Variants in ESCO1 observed in about 807,000 individuals in gnomAD.
ESCO1 encodes establishment of sister chromatid cohesion N-acetyltransferase 1.
A neutral mutation model predicts 83.5 loss-of-function variants in ESCO1; 33 were observed. The ratio of observed to expected loss-of-function variants is 0.40; its 90% confidence interval spans 0.30 to 0.53. The LOEUF is 0.53. Among genes scored for constraint, ESCO1 ranks in the 20% least tolerant of loss-of-function variants. ESCO1 has a pLI of 0.63. For synonymous variants in ESCO1, 332 were observed against 324.3 expected, an observed-to-expected ratio of 1.02 and a Z score of -0.25; for missense variants, 855 against 968.0, an observed-to-expected ratio of 0.88 and a Z score of 1.55.
intron 8 of ESCO1, among the ~76,000 whole-genome samples, chr18:21,545,224 C>T (rs1181325906): frequency 1.3e-5 from 2 of 152,114 alleles, no homozygotes; most frequent in Non-Finnish European, 2.9e-5. Context: ...TGTGAGACAC[C>T]ATGTCTAGCC....
At chr18:21,543,307 AC>A (rs1410820605) in intron 8 of ESCO1, among the ~76,000 whole-genome samples, 2 of 152,150 alleles carry the variant, frequency 1.3e-5, no homozygotes, top group Non-Finnish European at 2.9e-5. Context: ...GGCATGTGCC[AC>A]CACGCCGAGC....
At chr18:21,568,890 T>C (rs1598468046) in intron 4 of ESCO1, among the ~76,000 whole-genome samples, 1 of 145,644 alleles carries the variant, frequency 6.9e-6, no homozygotes, top group Admixed American at 6.9e-5. Flanking sequence ...GTGACAAAGC[T>C]AGACTCCATC....
chr18:21,548,752 C>T (rs2038006842), intron 8 of ESCO1, among the ~76,000 whole-genome samples: 2 of 152,120 alleles, frequency 1.3e-5, no homozygotes. Flanking sequence ...CAAGCCTGGG[C>T]AACAAAGCAA....
chr18:21,553,664 C>A (rs1466392372), intron 8 of ESCO1, among the ~76,000 whole-genome samples: 3 of 151,622 alleles, frequency 2.0e-5, no homozygotes, highest in Admixed American at 6.6e-5. Flanking sequence ...TCGAGACCAG[C>A]CTGACCAACA....
intron 8 of ESCO1, among the ~76,000 whole-genome samples, chr18:21,552,203 G>A (rs1399405603): frequency 6.6e-6 from 1 of 152,192 alleles, no homozygotes; most frequent in African/African-American, 2.4e-5. Context: ...TTGGAGGACT[G>A]ACACTACCCA....
At chr18:21,579,580 GC>G (rs1409319957) in intron 2 of ESCO1, among the ~76,000 whole-genome samples, 1 of 151,478 alleles carries the variant, frequency 6.6e-6, no homozygotes, top group Non-Finnish European at 1.5e-5. Flanking sequence ...GACCAGCCTG[GC>G]CAACATGGTG....
At position 21,584,421 on chromosome 18, in the gene ESCO1, A is replaced by G. The variant is rs1441623030; in HGVS notation, c.-805T>C. 3 of 150,356 alleles carry G rather than the reference A, an allele frequency of 2.0e-5. No homozygotes were observed. The highest frequency in any genetic ancestry group is 4.9e-5 in the African/African-American group (2 of 41,070). The allele number at this position is 150,356 out of a possible 1,614,324, so 9.3% of individuals were successfully genotyped here. A position where few individuals can be genotyped will look rare whatever the true frequency, so the allele number is the denominator to read the frequency against. ...TGTTTAGTAATCTTTAAAAAAAAAAACTCTATAGCCAAAGACAATCTATTG... is the reference window on the plus strand; with the variant it reads ...TGTTTAGTAATCTTTAAAAAAAAAAGCTCTATAGCCAAAGACAATCTATTG... On this transcript the variant is annotated 5_prime_UTR_variant, in exon 2 of 12. Coordinates refer to ENST00000269214, the MANE Select transcript of ESCO1 (RefSeq NM_052911.3).
At chr18:21,580,564 T>C (rs1308218781) in intron 2 of ESCO1, among the ~76,000 whole-genome samples, 2 of 152,004 alleles carry the variant, frequency 1.3e-5, no homozygotes, top group East Asian at 3.8e-4. Flanking sequence ...AAAATAAGCA[T>C]GTTAAAATGA....
rs34358501 is a variant in ESCO1 at position 21,594,703 on chromosome 18, C to CAA, written c.-825+5918_-825+5919dup. Among the ~76,000 whole-genome samples the CAA allele has an allele frequency of 4.4e-4, 64 of 146,518 alleles. 1 individual carries two copies. The highest frequency in any genetic ancestry group is 6.5e-4 in the South Asian group (3 of 4,644). Reference sequence around the variant, plus strand: ...TGTGCAACTGAGCGAGACTCCATCTCAAAAAAAAAAAGACTAAATTTATCT... The same window carrying CAA: ...TGTGCAACTGAGCGAGACTCCATCTCAAAAAAAAAAAAAGACTAAATTTATCT... On this transcript the variant is annotated intron_variant, in intron 1 of 11. Transcript: ENST00000269214.
At chr18:21,589,869 C>CCA (rs2038638970) in intron 1 of ESCO1, among the ~76,000 whole-genome samples, 1 of 152,020 alleles carries the variant, frequency 6.6e-6, no homozygotes, top group African/African-American at 2.4e-5. Flanking sequence ...GCTCTGTCAC[C>CCA]CAGGCTGGAG....
chr18:21,579,820 A>G (rs1009682756), intron 2 of ESCO1, among the ~76,000 whole-genome samples: 3 of 150,490 alleles, frequency 2.0e-5, no homozygotes, highest in Non-Finnish European at 3.0e-5. Flanking sequence ...ACACACACAC[A>G]CACACACACA....
chr18:21,553,236 G>A (rs1478519175), intron 8 of ESCO1, among the ~76,000 whole-genome samples: 1 of 152,090 alleles, frequency 6.6e-6, no homozygotes, highest in Admixed American at 6.6e-5. Context: ...GATAGAGTGA[G>A]CAGTGATCAC....
At chr18:21,539,839 C>CT in intron 9 of ESCO1, 81 bp downstream of exon 9, 1 of 1,176,198 alleles carries the variant, frequency 8.5e-7, no homozygotes, top group Non-Finnish European at 1.3e-6. Context: ...CAGAGCAAGA[C>CT]CCTGTCTCAG....
intron 8 of ESCO1, among the ~76,000 whole-genome samples, chr18:21,548,035 G>A (rs1160417209): frequency 1.3e-5 from 2 of 152,176 alleles, no homozygotes; most frequent in African/African-American, 4.8e-5. Context: ...CCAGGAGGTG[G>A]AGCTTGCAGT....
chr18:21,580,064 G>GT (rs1378298709), intron 2 of ESCO1, among the ~76,000 whole-genome samples: 1 of 151,152 alleles, frequency 6.6e-6, no homozygotes, highest in Non-Finnish European at 1.5e-5. Context: ...CCCAGCCAAT[G>GT]TTTTTTGTAT....
At position 21,538,287 on chromosome 18, in the gene ESCO1, TAAA is replaced by T. The variant is rs34369531; in HGVS notation, c.2043+1630_2043+1632del. Reference sequence around the variant, plus strand: ...GGCAACACGGTGAGACCCTGTCTCTTAAAAAAAAAAAAAAAAAAAAAAGTTATA... The same window carrying T: ...GGCAACACGGTGAGACCCTGTCTCTTAAAAAAAAAAAAAAAAAAAGTTATA... On this transcript the variant is annotated intron_variant, in intron 9 of 11. Coordinates refer to ENST00000269214, the MANE Select transcript of ESCO1 (RefSeq NM_052911.3). Among the ~76,000 whole-genome samples the T allele has an allele frequency of 6.6e-3, 822 of 124,680 alleles. 3 individuals are homozygous for T. Among genetic ancestry groups the T allele is most frequent in the African/African-American group, 0.021 (684 of 33,326 alleles). 81.8% of individuals were successfully genotyped at this position (124,680 alleles called of 152,430 possible).
intron 8 of ESCO1, among the ~76,000 whole-genome samples, chr18:21,553,621 G>A (rs1249294343): frequency 6.6e-6 from 1 of 151,948 alleles, no homozygotes; most frequent in Non-Finnish European, 1.5e-5. Context: ...ACTTTGGAAG[G>A]CTGAGGCGGG....
intron 8 of ESCO1, among the ~76,000 whole-genome samples, chr18:21,559,041 A>G (rs1196454140): frequency 2.0e-5 from 3 of 152,254 alleles, no homozygotes; most frequent in Non-Finnish European, 4.4e-5. Context: ...TAGAACAGTG[A>G]TCATAGCAGA....
intron 2 of ESCO1, among the ~76,000 whole-genome samples, chr18:21,579,794 G>GCGCACACACACACACACA (rs1192534759): frequency 2.7e-5 from 1 of 37,168 alleles, no homozygotes; most frequent in East Asian, 7.7e-4. Flanking sequence ...ACGCGCGCGC[G>GCGCACACACACACACACA]CACACACACA....
Sources: allele counts gnomAD v4.1 joint callset (sites outside exome capture counted in the v4.1 genomes callset), GRCh38; gene constraint gnomAD v4.1.1; transcripts MANE v1.5; gene names NCBI Gene and HGNC (gene_info 2026-07-23, HGNC 2026-07-21).